POSTN: variants seen among roughly 807,000 people sequenced by gnomAD.
The protein encoded by POSTN is periostin.
Under a neutral mutation model 104.5 loss-of-function variants are expected in POSTN, and 71 were observed. That is an observed-to-expected ratio of 0.68 (90% confidence interval 0.56 to 0.83). POSTN has a LOEUF of 0.83. Ranked by LOEUF, POSTN falls within the 40% of genes least tolerant of loss-of-function variation. The pLI is 0.00. For synonymous variants in POSTN, 355 were observed against 340.7 expected (o/e 1.04, Z -0.46); for missense variants, 949 against 1,006.8 (o/e 0.94, Z 0.78).
Position 37,571,459 on chromosome 13 carries a change from C to G in POSTN, c.2090-1G>C. 6.3e-7 allele frequency: 1 copy of G among 1,589,178 alleles called. No homozygotes were observed. The highest frequency in any genetic ancestry group is 8.6e-7 in the Non-Finnish European group (1 of 1,158,912). Reference sequence around the variant, plus strand: ...ATTTTGACTTTTGTTAGTGTGGGTCCTGGGACATTATTTTAGGAGACAAAT... The same window carrying G: ...ATTTTGACTTTTGTTAGTGTGGGTCGTGGGACATTATTTTAGGAGACAAAT... On this transcript the variant is annotated splice_acceptor_variant, in intron 17 of 22. Transcript: ENST00000379747. LOFTEE classifies it high-confidence loss of function.
At chr13:37,569,435 A>G in intron 20 of POSTN, 52 bp from the exon 21 acceptor site, 1 of 1,324,894 alleles carries the variant, frequency 7.5e-7, no homozygotes, top group Admixed American at 1.7e-5. Context: ...CAAAATAAAG[A>G]CAGCAGACTT....
intron 10 of POSTN, 52 bp from the exon 11 acceptor site, chr13:37,580,749 C>T (rs760594266): frequency 6.2e-7 from 1 of 1,611,138 alleles, no homozygotes. Flanking sequence ...TTGAAATTTC[C>T]CGTATAGATG....
chr13:37,593,063 CTAAG>C lies in POSTN; in HGVS notation c.219-903_219-900del, dbSNP rs879805133. 1.1e-3 allele frequency among the ~76,000 whole-genome samples: 167 copies of C among 150,954 alleles called. 1 individual carries two copies. The highest frequency in any genetic ancestry group is 7.3e-3 in the Admixed American group (110 of 15,152). On this transcript the variant is annotated intron_variant, in intron 2 of 22. Coordinates refer to ENST00000379747, the MANE Select transcript of POSTN (RefSeq NM_006475.3). ...TTTTGTAAAATTTGATAAAAATAAT[CTAAG>C]TAAGTTTATTTTAATATTAGAGTTT...
In POSTN at chr13:37,579,951, G is replaced by C; in HGVS notation, c.1570C>G (p.Leu524Val). Reference protein sequence around the residue: ...SLLEAADLKELLTQPGDWTLF... With the variant: ...SLLEAADLKEVLTQPGDWTLF... ...GTCCAGTCTCCAGGTTGTGTCAGGA[G>C]CTCTTTCAAGTCTGCAGCTTCAAGT... Residue 524 changes from leucine to valine, a missense_variant, in exon 12 of 23, where the codon CTC becomes GTC. Coordinates refer to ENST00000379747, the MANE Select transcript of POSTN (RefSeq NM_006475.3). 6.2e-7 allele frequency: 1 copy of C among 1,613,460 alleles called. No homozygotes were observed.
In POSTN at chr13:37,586,309, T is replaced by A. The variant is rs376823520; in HGVS notation, c.754-29A>T. 1.1e-5 allele frequency: 18 copies of A among 1,592,616 alleles called. No homozygotes were observed. In the African/African-American group the frequency reaches 2.4e-4, roughly 21 times the overall value. On this transcript the variant is annotated intron_variant, in intron 6 of 22. Coordinates refer to ENST00000379747, the MANE Select transcript of POSTN (RefSeq NM_006475.3). ...AAACACAAATGTGCTTTTCAGAGAC[T>A]TTCACATTGTAAATCCAGAAAAAGA...
intron 2 of POSTN, among the ~76,000 whole-genome samples, chr13:37,594,966 A>G (rs1352433341): frequency 2.6e-5 from 4 of 152,066 alleles, no homozygotes; most frequent in Non-Finnish European, 5.9e-5. Flanking sequence ...TACTTTAGAA[A>G]AATAAGCTAA....
chr13:37,586,245 A>G lies in POSTN; in HGVS notation c.789T>C (p.Leu263=). The part of the protein sequence containing the change: ...AAITSDILEA[L]GRDGHFTLFA... ...AGAGTGTGAAGTGACCGTCTCTTCC[A>G]AGGGCCTCCAATATGTCCGATGTGA... The change falls in exon 7 of 23, where the codon CTT becomes CTC. Residue 263 remains leucine (L), a synonymous_variant. Transcript: ENST00000379747. The G allele has an allele frequency of 1.2e-6, 2 of 1,613,490 alleles. No individual in the cohort carries two copies. The highest frequency in any genetic ancestry group is 1.1e-5 in the South Asian group (1 of 91,044).
chr13:37,590,305 T>G, intron 4 of POSTN, 67 bp downstream of exon 4: 1 of 1,270,788 alleles, frequency 7.9e-7, no homozygotes, highest in Non-Finnish European at 1.1e-6. Flanking sequence ...TCCAAGTTAA[T>G]AAGTCAGTTA....
At chr13:37,570,441 A>G in intron 19 of POSTN, 139 bp downstream of exon 19, 3 of 587,484 alleles carry the variant, frequency 5.1e-6, no homozygotes, top group South Asian at 4.8e-5. Flanking sequence ...GAATAATATT[A>G]TATCTGCCAA....
chr13:37,573,826 G>A (rs1950324236), intron 17 of POSTN, among the ~76,000 whole-genome samples: 1 of 151,506 alleles, frequency 6.6e-6, no homozygotes, highest in Non-Finnish European at 1.5e-5. Context: ...TGAAATGAAA[G>A]TAACATCAAA....
intron 6 of POSTN, among the ~76,000 whole-genome samples, 166 bp from the exon 7 acceptor site, chr13:37,586,446 A>G (rs376894451): frequency 1.7e-4 from 26 of 152,328 alleles, no homozygotes; most frequent in African/African-American, 6.3e-4. Context: ...TGTCTTTTCC[A>G]ACTTTCTTCA....
At position 37,582,355 on chromosome 13, in the gene POSTN, G is replaced by A; in HGVS notation, c.1392+11C>T. ...TTTGACAGACTTTTTATTTTGTTGT[G>A]ATTCACTTACTGTACGATATACGAA... On this transcript the variant is annotated intron_variant, in intron 10 of 22. Transcript: ENST00000379747. 1.9e-6 allele frequency: 3 copies of A among 1,588,474 alleles called. No individual in the cohort carries two copies. Among genetic ancestry groups the A allele is most frequent in the Non-Finnish European group, 2.6e-6 (3 of 1,172,736 alleles).
At chr13:37,582,244 T>C in intron 10 of POSTN, 122 bp downstream of exon 10, 1 of 1,160,440 alleles carries the variant, frequency 8.6e-7, no homozygotes, top group Non-Finnish European at 1.2e-6. Context: ...CCCAGTTCCC[T>C]GATGCTTCTA....
chr13:37,577,334 C>T (rs541438333), intron 16 of POSTN, among the ~76,000 whole-genome samples: 8 of 152,252 alleles, frequency 5.3e-5, no homozygotes, highest in South Asian at 2.1e-4. Flanking sequence ...TTCTTCAACA[C>T]GTGCTTCTCA....
Position 37,584,045 on chromosome 13 carries a change from G to A in POSTN, c.1167C>T (p.Ala389=), listed in dbSNP as rs772434763. The change falls in exon 9 of 23, where the codon GCC becomes GCT. Residue 389 remains alanine (A), a synonymous_variant. Transcript: ENST00000379747. ...KQQTTFTDLV[A]QLGLASALRP... ...TCAGAGCAGATGCCAAGCCTAATTGGGCCACAAGATCCGTGAAGGTGGTTT... is the reference window on the plus strand; with the variant it reads ...TCAGAGCAGATGCCAAGCCTAATTGAGCCACAAGATCCGTGAAGGTGGTTT... 34 of 1,613,760 alleles carry A rather than the reference G, an allele frequency of 2.1e-5. No homozygotes were observed. The highest frequency in any genetic ancestry group is 2.9e-5 in the Non-Finnish European group (34 of 1,179,930).
intron 5 of POSTN, among the ~76,000 whole-genome samples, chr13:37,587,268 C>G (rs1210524480): frequency 1.3e-5 from 2 of 152,046 alleles, no homozygotes. Context: ...GTAAAGAAGT[C>G]TAATCAGTCC....
At chr13:37,589,444 C>T (rs1324921179) in intron 4 of POSTN, among the ~76,000 whole-genome samples, 1 of 152,040 alleles carries the variant, frequency 6.6e-6, no homozygotes, top group Admixed American at 6.6e-5. Context: ...GTGTGCTGCA[C>T]CCATTAACTC....
At position 37,573,687 on chromosome 13, in the gene POSTN, T is replaced by G. The variant is rs1203159335; in HGVS notation, c.2089+885A>C. Among the ~76,000 whole-genome samples, 4 of 151,592 alleles carry G rather than the reference T, an allele frequency of 2.6e-5. No individual in the cohort carries two copies. The South Asian group carries it at 8.3e-4, about 31-fold the overall frequency. The stretch of plus-strand genomic sequence containing the variant: ...AATCTGTTCTCTTTTTGGAAGACTG[T>G]TTCTAGCTTTCTTATAGCACAAAGG... On this transcript the variant is annotated intron_variant, in intron 17 of 22. Transcript: ENST00000379747.
chr13:37,588,299 T>C (rs1487906328), intron 4 of POSTN, among the ~76,000 whole-genome samples: 2 of 152,118 alleles, frequency 1.3e-5, no homozygotes, highest in African/African-American at 4.8e-5. Context: ...TTATCACATA[T>C]TTAAAATACT....
Sources: gnomAD v4.1 joint callset for allele counts (sites outside exome capture counted in the v4.1 genomes callset) on GRCh38, gnomAD v4.1.1 for gene constraint, MANE v1.5 for transcripts, NCBI Gene and HGNC (gene_info 2026-07-23, HGNC 2026-07-21) for gene names.